CLCN5: variants seen among roughly 807,000 people sequenced by gnomAD.
CLCN5 encodes H(+)/Cl(-) exchange transporter 5.
In CLCN5, 17 loss-of-function variants were observed where a neutral mutation model predicts 54.0. The ratio of observed to expected loss-of-function variants is 0.31; its 90% CI spans 0.22 to 0.47. The LOEUF is 0.47. Among genes scored for constraint, CLCN5 ranks in the 20% least tolerant of loss-of-function variants. CLCN5 has a pLI of 1.00. For synonymous variants in CLCN5, 222 were observed against 233.0 expected, an observed-to-expected ratio of 0.95 and a Z score of 0.43; for missense variants, 448 against 646.7, an observed-to-expected ratio of 0.69 and a Z score of 3.33.
At chrX:50,086,102 C>A in intron 10 of CLCN5, 42 bp downstream of exon 10, 1 of 1,067,921 alleles carries the variant, frequency 9.4e-7, no homozygotes, top group Non-Finnish European at 1.3e-6. Flanking sequence ...GCTTTTGTGT[C>A]AGGAATTTTG....
intron 3 of CLCN5, among the ~76,000 whole-genome samples, chrX:50,029,047 C>T (rs1426409933): frequency 8.9e-6 from 1 of 111,875 alleles, no homozygotes; most frequent in African/African-American, 3.2e-5. Context: ...ATTTCGATAC[C>T]AAGCGATTCC....
rs1437161222 is a variant in CLCN5, at chrX:50,092,530, A to G, written c.*311A>G. 3.9e-6 allele frequency: 1 copy of G among 259,580 alleles called. No homozygotes were observed. Among genetic ancestry groups the G allele is most frequent in the Non-Finnish European group, 6.9e-6 (1 of 144,910 alleles). 21.4% of individuals were successfully genotyped at this position (259,580 alleles called of 1,213,427 possible). ...TTAACTTAAAAAGTAGTTAGCCAAT[A>G]TGCAATCACTGAAAACTATGCAAGA... On this transcript the variant is annotated 3_prime_UTR_variant, in exon 15 of 15. Coordinates refer to ENST00000376091, the MANE Select transcript of CLCN5 (RefSeq NM_001127898.4).
At chrX:50,066,489 A>T (rs142079211) in intron 4 of CLCN5, among the ~76,000 whole-genome samples, 1 of 112,044 alleles carries the variant, frequency 8.9e-6, no homozygotes, top group Admixed American at 9.5e-5. Flanking sequence ...AGCTCTACAC[A>T]TAGGGTCCAG....
At position 49,963,368 on chromosome X, in the gene CLCN5, A is replaced by G. The variant is rs1286750749; in HGVS notation, c.16+38054A>G. ...AGGAGGAACAGATATATCTAGCAGT[A>G]TCCAGGACAGGGTGGTAACCATATA... is the stretch of plus-strand genomic sequence containing the variant. On this transcript the variant is annotated intron_variant, in intron 3 of 14. Coordinates refer to ENST00000376091, the MANE Select transcript of CLCN5 (RefSeq NM_001127898.4). 2.7e-5 allele frequency among the ~76,000 whole-genome samples: 3 copies of G among 111,570 alleles called. No individual in the cohort carries two copies. In the Admixed American group the frequency reaches 2.9e-4, roughly 11 times the overall value.
chrX:50,053,876 G>A (rs909376769), intron 4 of CLCN5, among the ~76,000 whole-genome samples: 1 of 110,546 alleles, frequency 9.0e-6, no homozygotes, highest in Non-Finnish European at 1.9e-5. Context: ...AGGATTTACA[G>A]CAAACTGGCT....
At chrX:50,002,681 C>CTCTGTG (rs782412410) in intron 3 of CLCN5, among the ~76,000 whole-genome samples, 9 of 94,764 alleles carry the variant, frequency 9.5e-5, no homozygotes, top group African/African-American at 3.8e-4. Context: ...CTCTCTCTCT[C>CTCTGTG]TGTGTGTGTG....
At chrX:50,014,897 C>T (rs782486932) in intron 3 of CLCN5, among the ~76,000 whole-genome samples, 78 of 111,614 alleles carry the variant, frequency 7.0e-4, no homozygotes, top group Admixed American at 1.0e-3. Flanking sequence ...TGAGCTTTCT[C>T]TGTGTTCCCC....
intron 6 of CLCN5, among the ~76,000 whole-genome samples, chrX:50,073,211 G>A (rs1178420382): frequency 3.6e-5 from 4 of 111,633 alleles, no homozygotes; most frequent in African/African-American, 1.3e-4. Context: ...TTTCTCACCC[G>A]GTGGGGAGAG....
chrX:49,977,316 T>C lies in CLCN5; in HGVS notation c.16+52002T>C, dbSNP rs1557177057. ...TACCCTTTAAAAAAGTTATTGTGCATAGGGGACTTTTTCTCAGTCTTTTCA... is the reference window on the plus strand; with the variant it reads ...TACCCTTTAAAAAAGTTATTGTGCACAGGGGACTTTTTCTCAGTCTTTTCA... On this transcript the variant is annotated intron_variant, in intron 3 of 14. Coordinates refer to ENST00000376091, the MANE Select transcript of CLCN5 (RefSeq NM_001127898.4). Among the ~76,000 whole-genome samples the C allele has an allele frequency of 2.7e-5, 3 of 111,656 alleles. No individual in the cohort carries two copies. In the Admixed American group the frequency reaches 2.8e-4, roughly 11 times the overall value.
intron 4 of CLCN5, among the ~76,000 whole-genome samples, chrX:50,051,472 A>G (rs1326899484): frequency 1.8e-5 from 2 of 112,118 alleles, no homozygotes; most frequent in Non-Finnish European, 3.8e-5. Context: ...CCAACTGTTC[A>G]GCTTCAACAT....
intron 3 of CLCN5, among the ~76,000 whole-genome samples, chrX:50,029,558 G>C (rs184175788): frequency 9.0e-6 from 1 of 111,044 alleles, no homozygotes; most frequent in East Asian, 2.8e-4. Flanking sequence ...GTCATTGTTG[G>C]ACATTTGGGT....
intron 3 of CLCN5, among the ~76,000 whole-genome samples, chrX:50,038,905 A>C (rs1557186806): frequency 9.0e-6 from 1 of 111,355 alleles, no homozygotes; most frequent in Non-Finnish European, 1.9e-5. Context: ...TAATTAGTTA[A>C]CCTTGATTAT....
chrX:49,931,539 A>G (rs1413865910), intron 3 of CLCN5, among the ~76,000 whole-genome samples: 1 of 110,832 alleles, frequency 9.0e-6, no homozygotes, highest in Non-Finnish European at 1.9e-5. Context: ...TAGTTTTCAT[A>G]CTAGGGGAAT....
At chrX:49,969,063 G>A (rs1260447436) in intron 3 of CLCN5, among the ~76,000 whole-genome samples, 1 of 110,056 alleles carries the variant, frequency 9.1e-6, no homozygotes, top group South Asian at 3.8e-4. Context: ...GCATTGATTT[G>A]AAACCTTTCT....
At chrX:50,043,632 T>C (rs1232699962) in intron 4 of CLCN5, among the ~76,000 whole-genome samples, 1 of 112,149 alleles carries the variant, frequency 8.9e-6, no homozygotes, top group Non-Finnish European at 1.9e-5. Flanking sequence ...GGCTGATTAT[T>C]TGTTTTTATT....
intron 3 of CLCN5, among the ~76,000 whole-genome samples, chrX:49,986,837 C>A: frequency 9.0e-6 from 1 of 111,470 alleles, no homozygotes. Context: ...TGTATGTTTC[C>A]CCAATTTTTT....
At chrX:50,009,890 T>C in intron 3 of CLCN5, 1 of 340,850 alleles carries the variant, frequency 2.9e-6, no homozygotes, top group Non-Finnish European at 5.9e-6. Flanking sequence ...CCTCATTCAT[T>C]CTTTCCTTCC....
intron 3 of CLCN5, among the ~76,000 whole-genome samples, chrX:50,031,116 G>T (rs886705804): frequency 9.0e-6 from 1 of 111,597 alleles, no homozygotes; most frequent in East Asian, 2.8e-4. Context: ...AAGAAAAGCT[G>T]ATTAGCTAAG....
At chrX:49,969,636 A>G (rs1928100993) in intron 3 of CLCN5, among the ~76,000 whole-genome samples, 1 of 111,660 alleles carries the variant, frequency 9.0e-6, no homozygotes, top group African/African-American at 3.3e-5. Flanking sequence ...CAGACTATGT[A>G]TAGTTTGGGT....
Sources: allele counts gnomAD v4.1 joint callset (sites outside exome capture counted in the v4.1 genomes callset), GRCh38; gene constraint gnomAD v4.1.1; transcripts MANE v1.5; gene names NCBI Gene and HGNC (gene_info 2026-07-23, HGNC 2026-07-21).